MOSPD1: variants seen among roughly 807,000 people sequenced by gnomAD.
The protein encoded by MOSPD1 is motile sperm domain-containing protein 1.
In MOSPD1, 5 loss-of-function variants were observed where a neutral mutation model predicts 16.7. The ratio of observed to expected loss-of-function variants is 0.30; its 90% CI spans 0.16 to 0.63. MOSPD1 has a LOEUF of 0.63. Among genes scored for constraint, MOSPD1 ranks in the 30% least tolerant of loss-of-function variants. The probability of loss-of-function intolerance (pLI) is 0.82; values close to 1 mark genes in which losing one functional copy is unlikely to be tolerated. For missense variants in MOSPD1, 104 were observed against 153.6 expected, an observed-to-expected ratio of 0.68 and a Z score of 1.71; for synonymous variants, 67 against 59.2, an observed-to-expected ratio of 1.13 and a Z score of -0.61.
rs747904059 is a variant in MOSPD1 at position 134,896,828 on chromosome X, G to A, written c.437C>T (p.Ser146Leu). The change falls in exon 4 of 6, where the codon TCG becomes TTG. Residue 146 changes from serine (S) to leucine (L), a missense_variant. Transcript: ENST00000370783. ...CAACCCAAAACTACCTGGTTGAAACGACTGCTCAAAAAATAAACTTTCAGT... is the reference window on the plus strand; with the variant it reads ...CAACCCAAAACTACCTGGTTGAAACAACTGCTCAAAAAATAAACTTTCAGT... ...HLTESLFFEQ[S>L]FQPENRAVSS... 23 of 1,206,500 alleles carry A rather than the reference G, an allele frequency of 1.9e-5. No homozygotes were observed. The highest frequency in any genetic ancestry group is 8.9e-5 in the East Asian group (3 of 33,766).
chrX:134,903,768 C>T (rs1324882004), intron 1 of MOSPD1, among the ~76,000 whole-genome samples: 5 of 108,692 alleles, frequency 4.6e-5, no homozygotes, highest in Non-Finnish European at 7.6e-5. Flanking sequence ...AGGCCAGGCT[C>T]GGTGGCTCAC....
At chrX:134,892,494 G>T (rs368432995) in intron 4 of MOSPD1, among the ~76,000 whole-genome samples, 1 of 112,435 alleles carries the variant, frequency 8.9e-6, no homozygotes, top group South Asian at 3.7e-4. Flanking sequence ...GTGAGGCCTA[G>T]AAATCTACTC....
In MOSPD1 at chrX:134,888,522, A is replaced by T. The variant is rs6638294; in HGVS notation, c.*639T>A. 6,994 of 109,557 alleles carry T rather than the reference A, an allele frequency of 0.064. 439 individuals are homozygous for T. Among genetic ancestry groups the T allele is most frequent in the East Asian group, 0.46 (1,539 of 3,349 alleles). 9.0% of individuals were successfully genotyped at this position (109,557 alleles called of 1,213,427 possible). A position where few individuals can be genotyped will look rare whatever the true frequency, so the allele number is the denominator to read the frequency against. On this transcript the variant is annotated 3_prime_UTR_variant, in exon 6 of 6. Coordinates refer to ENST00000370783, the MANE Select transcript of MOSPD1 (RefSeq NM_019556.3). The stretch of plus-strand genomic sequence containing the variant: ...TCACCCTACTTCTATTAGGTTTTTT[A>T]AAAAAAAACCCCTATGATTCTTGGT...
rs994556685 is a variant in MOSPD1 at position 134,896,889 on chromosome X, T to C, written c.376A>G (p.Lys126Glu). 1 of 1,210,807 alleles carries C rather than the reference T, an allele frequency of 8.3e-7. No individual in the cohort carries two copies. The highest frequency in any genetic ancestry group is 2.2e-5 in the Admixed American group (1 of 46,001). The part of the protein sequence containing the change: ...TLLPSAKEQQ[K>E]EEEEKRLKEH... ...TTTAATCTTTTTTCCTCTTCTTCCT[T>C]TTGTTGTTCTTTTGCTGATGGGAGA... The change falls in exon 4 of 6, where the codon AAG becomes GAG. Residue 126 changes from lysine to glutamate, a missense_variant. By Grantham distance (56) the Lys-to-Glu change is moderately conservative. Around this residue, in one of 3 missense-constraint regions of MOSPD1, gnomAD observed 68 missense variants for 73.1 expected, o/e 0.93. Transcript: ENST00000370783.
rs374316527 is a variant in MOSPD1, at chrX:134,888,179, C to T, written c.*982G>A. ...AATGTAAATAGTTGTGCTTAGGGGA[C>T]TTTTTTGGCAAAGTTGTCTTAATAA... On this transcript the variant is annotated 3_prime_UTR_variant, in exon 6 of 6. Coordinates refer to ENST00000370783, the MANE Select transcript of MOSPD1 (RefSeq NM_019556.3). 5 of 111,695 alleles carry T rather than the reference C, an allele frequency of 4.5e-5. No homozygotes were observed. In the East Asian group the frequency reaches 1.4e-3, roughly 31 times the overall value. The allele number at this position is 111,695 out of a possible 1,213,427, so 9.2% of individuals were successfully genotyped here. A position where few individuals can be genotyped will look rare whatever the true frequency, so the allele number is the denominator to read the frequency against.
intron 1 of MOSPD1, among the ~76,000 whole-genome samples, chrX:134,910,902 G>A (rs1185002619): frequency 7.1e-5 from 8 of 112,268 alleles, no homozygotes; most frequent in African/African-American, 2.6e-4. Flanking sequence ...TCTCACCCTA[G>A]ACCTACTGAA....
intron 1 of MOSPD1, among the ~76,000 whole-genome samples, chrX:134,901,574 C>T (rs1456424095): frequency 9.2e-6 from 1 of 108,873 alleles, no homozygotes; most frequent in African/African-American, 3.3e-5. Flanking sequence ...CACTTGAACC[C>T]GGGAGCAGAG....
chrX:134,911,371 C>T (rs1262464882), intron 1 of MOSPD1, among the ~76,000 whole-genome samples: 3 of 112,454 alleles, frequency 2.7e-5, no homozygotes, highest in Non-Finnish European at 5.6e-5. Context: ...AGATGTTTTA[C>T]ATGTGACCCA....
intron 5 of MOSPD1, 88 bp downstream of exon 5, chrX:134,891,391 G>GA (rs369970722): frequency 0.094 from 64,284 of 682,849 alleles, 16 homozygotes; most frequent in Non-Finnish European, 0.1. Context: ...TGTTCTTTGG[G>GA]AAAAAAAAAA....
intron 3 of MOSPD1, among the ~76,000 whole-genome samples, chrX:134,898,458 G>C (rs1310291522): frequency 4.5e-5 from 5 of 111,983 alleles, no homozygotes; most frequent in African/African-American, 1.6e-4. Context: ...CAAATACAGT[G>C]TACTTGGTAG....
intron 3 of MOSPD1, 83 bp downstream of exon 3, chrX:134,899,007 A>C: frequency 1.2e-6 from 1 of 868,427 alleles, no homozygotes; most frequent in Non-Finnish European, 1.6e-6. Context: ...GAACAGCTTC[A>C]AGAAAATATC....
In MOSPD1 at chrX:134,901,207, C is replaced by T. The variant is rs763094774; in HGVS notation, c.-101-1673G>A. On this transcript the variant is annotated intron_variant, in intron 1 of 5. Coordinates refer to ENST00000370783, the MANE Select transcript of MOSPD1 (RefSeq NM_019556.3). ...AGCAGAGATACAAAGATGAATAATG[C>T]ATAGGCTCTACCCTCAAGAAGTTCA... 8.0e-5 allele frequency among the ~76,000 whole-genome samples: 9 copies of T among 111,877 alleles called. No individual in the cohort carries two copies. In the South Asian group the frequency reaches 3.0e-3, roughly 37 times the overall value.
intron 3 of MOSPD1, among the ~76,000 whole-genome samples, chrX:134,897,359 G>C (rs1346373030): frequency 9.2e-6 from 1 of 108,829 alleles, no homozygotes; most frequent in Non-Finnish European, 1.9e-5. Flanking sequence ...CCTGGAGTTT[G>C]AGACCAGCCT....
rs772831491 is a variant in MOSPD1 at position 134,903,711 on chromosome X, CAAAAA to C, written c.-101-4182_-101-4178del. 2.1e-3 allele frequency among the ~76,000 whole-genome samples: 117 copies of C among 54,952 alleles called. 2 individuals are homozygous for C. The highest frequency in any genetic ancestry group is 3.2e-3 in the Non-Finnish European group (100 of 30,941). The allele number at this position is 54,952 out of a possible 115,157, so 47.7% of individuals were successfully genotyped here. On this transcript the variant is annotated intron_variant, in intron 1 of 5. Coordinates refer to ENST00000370783, the MANE Select transcript of MOSPD1 (RefSeq NM_019556.3). ...TGGGTGACAGAGTGAGACTCCATCTCAAAAAAAAAAAAAAAAAAGAAAGAAAGAAA... is the reference window on the plus strand; with the variant it reads ...TGGGTGACAGAGTGAGACTCCATCTCAAAAAAAAAAAAAGAAAGAAAGAAA...
At chrX:134,899,612 T>C (rs2082902666) in intron 1 of MOSPD1, 78 bp from the exon 2 acceptor site, 3 of 415,613 alleles carry the variant, frequency 7.2e-6, no homozygotes, top group East Asian at 8.6e-5. Context: ...ACACAAAAAG[T>C]ATATTTAGCA....
At chrX:134,901,488 A>G (rs2082911177) in intron 1 of MOSPD1, among the ~76,000 whole-genome samples, 1 of 110,821 alleles carries the variant, frequency 9.0e-6, no homozygotes, top group Admixed American at 9.7e-5. Context: ...CGTCTCTACT[A>G]AAAATACAAA....
At chrX:134,901,196 G>A (rs186066018) in intron 1 of MOSPD1, among the ~76,000 whole-genome samples, 2 of 111,837 alleles carry the variant, frequency 1.8e-5, no homozygotes, top group African/African-American at 6.5e-5. Context: ...GAGATACAAA[G>A]ATGAATAATG....
chrX:134,889,175 T>G lies in MOSPD1; in HGVS notation c.628A>C (p.Ile210Leu), dbSNP rs1395930095. 2.5e-6 allele frequency: 3 copies of G among 1,195,174 alleles called. No individual in the cohort carries two copies. In the South Asian group the frequency reaches 5.5e-5, roughly 22 times the overall value. Residue 210 changes from isoleucine (I) to leucine (L), a missense_variant, in exon 6 of 6, where the codon ATA becomes CTA. Coordinates refer to ENST00000370783, the MANE Select transcript of MOSPD1 (RefSeq NM_019556.3). ...AYILGLITMA[I>L]LRT Reference sequence around the variant, plus strand: ...GAAATCCTTGCTCATGTTCTAAGTATGGCCATTGTGATAAGACCTGAAAGA... The same window carrying G: ...GAAATCCTTGCTCATGTTCTAAGTAGGGCCATTGTGATAAGACCTGAAAGA...
chrX:134,913,145 G>A (rs1206933925), intron 1 of MOSPD1, among the ~76,000 whole-genome samples: 1 of 109,966 alleles, frequency 9.1e-6, no homozygotes, highest in South Asian at 3.9e-4. Flanking sequence ...AGACCGAGGG[G>A]GGGCAGATCA....
Sources: gnomAD v4.1 joint callset for allele counts (sites outside exome capture counted in the v4.1 genomes callset) on GRCh38, gnomAD v4.1.1 for gene constraint, gnomAD v4.1.1 regional missense constraint, MANE v1.5 for transcripts, NCBI Gene and HGNC (gene_info 2026-07-23, HGNC 2026-07-21) for gene names.